Variants in MPPED1 observed in about 807,000 individuals in gnomAD.
MPPED1 encodes metallophosphoesterase domain-containing protein 1.
MPPED1 carries 16 observed loss-of-function variants against 36.2 expected under a neutral mutation model. The observed-to-expected ratio is 0.44, with a 90% CI of 0.30 to 0.67. The LOEUF (loss-of-function observed/expected upper bound fraction) is 0.67, where lower values mean the gene tolerates loss of function less well. Among genes scored for constraint, MPPED1 ranks in the 30% least tolerant of loss-of-function variants. MPPED1 has a pLI of 0.10. For synonymous variants in MPPED1, 199 were observed against 191.3 expected (o/e 1.04, Z -0.33); for missense variants, 307 against 453.4 (o/e 0.68, Z 2.93).
At chr22:43,460,277 A>G (rs1298800616) in intron 3 of MPPED1, among the ~76,000 whole-genome samples, 8 of 138,066 alleles carry the variant, frequency 5.8e-5, no homozygotes, top group Admixed American at 3.0e-4. Context: ...CCCCCCCCAA[A>G]CCCAAAGCAA....
intron 2 of MPPED1, among the ~76,000 whole-genome samples, chr22:43,432,271 GGA>G (rs749549215): frequency 3.4e-5 from 5 of 148,556 alleles, no homozygotes; most frequent in South Asian, 2.2e-4. Flanking sequence ...GAGAAAGGGA[GGA>G]GAGAGAGAGA....
intron 3 of MPPED1, among the ~76,000 whole-genome samples, chr22:43,460,267 C>G (rs991072799): frequency 6.7e-6 from 1 of 148,482 alleles, no homozygotes; most frequent in African/African-American, 2.4e-5. Context: ...ACCCAAACCC[C>G]CCCCCCCAAA....
At chr22:43,419,710 A>G (rs1378027469) in intron 1 of MPPED1, among the ~76,000 whole-genome samples, 1 of 149,128 alleles carries the variant, frequency 6.7e-6, no homozygotes, top group Non-Finnish European at 1.5e-5. Flanking sequence ...TGGGGGGTCA[A>G]GACCGCCAGG....
intron 3 of MPPED1, among the ~76,000 whole-genome samples, chr22:43,442,889 G>C (rs926798210): frequency 1.3e-5 from 2 of 152,104 alleles, no homozygotes; most frequent in Non-Finnish European, 2.9e-5. Flanking sequence ...TAGATCTCTC[G>C]CCTCTCCCGC....
At chr22:43,499,642 T>A (rs1174362605) in intron 5 of MPPED1, among the ~76,000 whole-genome samples, 1 of 106,474 alleles carries the variant, frequency 9.4e-6, no homozygotes, top group Non-Finnish European at 1.8e-5. Flanking sequence ...GTGGAGGTGG[T>A]GGTGGTGGTG....
chr22:43,499,653 A>G (rs1372181708), intron 5 of MPPED1, among the ~76,000 whole-genome samples: 50 of 23,900 alleles, frequency 2.1e-3, no homozygotes, highest in Non-Finnish European at 2.5e-3. Flanking sequence ...GGTGGTGGTG[A>G]TGGGGGTGGC....
intron 3 of MPPED1, among the ~76,000 whole-genome samples, chr22:43,461,198 T>TA (rs35190060): frequency 6.6e-6 from 1 of 152,076 alleles, no homozygotes; most frequent in Non-Finnish European, 1.5e-5. Context: ...ACCTCATCTC[T>TA]AAAAAAAGAC....
Position 43,500,290 on chromosome 22 carries a change from G to GGTGGTGGTGGTGGA in MPPED1, c.748+1941_748+1942insTGGTGGTGGTGGAG. On this transcript the variant is annotated intron_variant, in intron 5 of 6. Transcript: ENST00000443721. ...GTGATGGAGGTGGCGGTGGTGATGG[G>GGTGGTGGTGGTGGA]GGTGGTGGTGGTGATGGTGATGGAG... 2.2e-4 allele frequency among the ~76,000 whole-genome samples: 2 copies of GGTGGTGGTGGTGGA among 9,056 alleles called. 1 individual carries two copies. The highest frequency in any genetic ancestry group is 8.8e-3 in the South Asian group (2 of 228). The allele number at this position is 9,056 out of a possible 152,430, so 5.9% of individuals were successfully genotyped here. A position where few individuals can be genotyped will look rare whatever the true frequency, so the allele number is the denominator to read the frequency against.
intron 4 of MPPED1, among the ~76,000 whole-genome samples, chr22:43,479,998 G>C (rs1304492155): frequency 6.6e-6 from 1 of 152,090 alleles, no homozygotes; most frequent in Non-Finnish European, 1.5e-5. Flanking sequence ...AAGTATCTGG[G>C]ACCACAGGTA....
chr22:43,435,203 A>C lies in MPPED1; in HGVS notation c.394A>C (p.Asn132His). 1.2e-6 allele frequency: 2 copies of C among 1,608,728 alleles called. No homozygotes were observed. Among genetic ancestry groups the C allele is most frequent in the Non-Finnish European group, 1.7e-6 (2 of 1,179,748 alleles). ...LGLPSEVKKF[N>H]EWLGSLPYEY... ...GCTCCCGAGCGAGGTGAAGAAGTTC[A>C]ACGAGTGGCTGGGTAGGTCCCTCCT... Residue 132 changes from asparagine (N) to histidine (H), a missense_variant, in exon 3 of 7, where the codon AAC (asparagine) becomes CAC (histidine). This residue lies in a region of MPPED1 where 169 missense variants were observed against 212.3 expected (regional missense o/e 0.80). Coordinates refer to ENST00000443721, the MANE Select transcript of MPPED1 (RefSeq NM_001044370.2).
At chr22:43,500,127 G>A (rs1194682143) in intron 5 of MPPED1, among the ~76,000 whole-genome samples, 3 of 111,460 alleles carry the variant, frequency 2.7e-5, no homozygotes, top group Non-Finnish European at 3.7e-5. Context: ...GGTGGTGATG[G>A]AGGTGGTAAT....
intron 1 of MPPED1, among the ~76,000 whole-genome samples, chr22:43,414,259 T>C (rs1182733879): frequency 6.6e-6 from 1 of 152,232 alleles, no homozygotes; most frequent in African/African-American, 2.4e-5. Context: ...AGTTCATTTG[T>C]TCTTCTTTGA....
At chr22:43,453,599 C>T (rs767212550) in intron 3 of MPPED1, among the ~76,000 whole-genome samples, 15 of 152,084 alleles carry the variant, frequency 9.9e-5, no homozygotes, top group Non-Finnish European at 1.6e-4. Context: ...TCTTTCATCC[C>T]GAAACCCCGT....
intron 2 of MPPED1, among the ~76,000 whole-genome samples, chr22:43,434,426 G>C (rs936442240): frequency 1.3e-5 from 2 of 152,156 alleles, no homozygotes; most frequent in Non-Finnish European, 2.9e-5. Context: ...TGCACAGCCC[G>C]GGCAGTTGTC....
chr22:43,446,700 G>T (rs1930359557), intron 3 of MPPED1, among the ~76,000 whole-genome samples: 1 of 152,198 alleles, frequency 6.6e-6, no homozygotes, highest in Admixed American at 6.5e-5. Context: ...GGCAGTGCTT[G>T]GACACATGAA....
chr22:43,428,304 C>T (rs1320954815), intron 2 of MPPED1, among the ~76,000 whole-genome samples: 3 of 152,184 alleles, frequency 2.0e-5, no homozygotes, highest in African/African-American at 4.8e-5. Flanking sequence ...CTGCTGACTC[C>T]GAGGCAGCTG....
At chr22:43,444,279 GGTGTGTGTGTGTGT>G (rs35340638) in intron 3 of MPPED1, among the ~76,000 whole-genome samples, 4,631 of 141,978 alleles carry the variant, frequency 0.033, 167 homozygotes, top group Admixed American at 0.11. Flanking sequence ...GACCCACTGG[GGTGTGTGTGTGTGT>G]GTGTGTGTGT....
chr22:43,477,539 C>A (rs529388877), intron 4 of MPPED1, among the ~76,000 whole-genome samples: 1 of 152,330 alleles, frequency 6.6e-6, no homozygotes, highest in East Asian at 1.9e-4. Flanking sequence ...CCTGGGCTGC[C>A]CTGGTTGGTG....
chr22:43,437,587 T>C (rs1162257391), intron 3 of MPPED1, among the ~76,000 whole-genome samples: 1 of 152,094 alleles, frequency 6.6e-6, no homozygotes, highest in African/African-American at 2.4e-5. Flanking sequence ...TGATTGGAAG[T>C]AAGGGTGTAG....
Sources: allele counts gnomAD v4.1 joint callset (sites outside exome capture counted in the v4.1 genomes callset), GRCh38; gene constraint gnomAD v4.1.1; regional missense constraint gnomAD v4.1.1; transcripts MANE v1.5; gene names NCBI Gene and HGNC (gene_info 2026-07-23, HGNC 2026-07-21).